SPPL3: variants seen among roughly 807,000 people sequenced by gnomAD.
SPPL3 encodes the protein signal peptide peptidase-like 3.
Under a neutral mutation model 42.4 loss-of-function variants are expected in SPPL3, and 5 were observed. The ratio of observed to expected loss-of-function variants is 0.12; its 90% CI spans 0.06 to 0.25. The LOEUF is 0.25. Ranked by LOEUF, SPPL3 falls within the 10% of genes least tolerant of loss-of-function variation. The probability of loss-of-function intolerance (pLI) is 1.00; values close to 1 mark genes in which losing one functional copy is unlikely to be tolerated. For missense variants in SPPL3, 235 were observed against 489.0 expected (o/e 0.48, Z 4.90); for synonymous variants, 195 against 181.8 (o/e 1.07, Z -0.58).
intron 2 of SPPL3, among the ~76,000 whole-genome samples, chr12:120,798,144 T>C (rs1398620418): frequency 1.3e-5 from 2 of 152,184 alleles, no homozygotes; most frequent in African/African-American, 4.8e-5. Flanking sequence ...GACTTTTAGA[T>C]GTGGTGGACT....
intron 6 of SPPL3, among the ~76,000 whole-genome samples, chr12:120,772,025 CTTT>C (rs976951878): frequency 6.6e-6 from 1 of 152,122 alleles, no homozygotes; most frequent in Non-Finnish European, 1.5e-5. Context: ...TGCTGCTGCT[CTTT>C]TTTTGTTTTT....
At chr12:120,842,644 G>A (rs973111587) in intron 1 of SPPL3, among the ~76,000 whole-genome samples, 1 of 152,072 alleles carries the variant, frequency 6.6e-6, no homozygotes, top group Non-Finnish European at 1.5e-5. Context: ...CAGGTTCTCG[G>A]TGCATCCTCA....
intron 1 of SPPL3, chr12:120,845,251 TTCAC>T: frequency 2.6e-6 from 1 of 382,876 alleles, no homozygotes; most frequent in South Asian, 2.3e-5. Flanking sequence ...CCCTGCTGCA[TTCAC>T]GGCATTGGAG....
chr12:120,901,314 C>G (rs754430441), intron 1 of SPPL3, among the ~76,000 whole-genome samples: 46 of 151,848 alleles, frequency 3.0e-4, no homozygotes, highest in Non-Finnish European at 5.4e-4. Context: ...AAGCTGTGGC[C>G]GGGCACGGTG....
intron 1 of SPPL3, among the ~76,000 whole-genome samples, chr12:120,898,349 G>C (rs1478577589): frequency 7.2e-6 from 1 of 139,128 alleles, no homozygotes; most frequent in African/African-American, 2.7e-5. Context: ...GGGTAGCACA[G>C]AGCAGCCACC....
intron 1 of SPPL3, among the ~76,000 whole-genome samples, chr12:120,824,672 A>G (rs577032876): frequency 6.6e-6 from 1 of 152,290 alleles, no homozygotes; most frequent in Admixed American, 6.5e-5. Context: ...CTGGGGAGAC[A>G]GGCGCATGCC....
chr12:120,891,242 T>A (rs1873630695), intron 1 of SPPL3, among the ~76,000 whole-genome samples: 2 of 152,180 alleles, frequency 1.3e-5, no homozygotes, highest in South Asian at 4.1e-4. Context: ...TACATCATCC[T>A]TAGGCCTGTG....
chr12:120,841,085 G>GGAA (rs1871811072), intron 1 of SPPL3, among the ~76,000 whole-genome samples: 1 of 152,098 alleles, frequency 6.6e-6, no homozygotes, highest in African/African-American at 2.4e-5. Flanking sequence ...CAGCACTTTG[G>GGAA]GAAGCTGAGA....
At chr12:120,776,805 A>G (rs1019446679) in intron 6 of SPPL3, among the ~76,000 whole-genome samples, 6 of 152,196 alleles carry the variant, frequency 3.9e-5, no homozygotes, top group East Asian at 3.9e-4. Context: ...AAGAAAGGAG[A>G]GCCATCAAAA....
chr12:120,891,432 T>A (rs1873637665), intron 1 of SPPL3, among the ~76,000 whole-genome samples: 2 of 152,088 alleles, frequency 1.3e-5, no homozygotes, highest in South Asian at 4.1e-4. Flanking sequence ...TTTTTTTCAA[T>A]TGCCCTTTCT....
intron 1 of SPPL3, among the ~76,000 whole-genome samples, chr12:120,823,319 C>T (rs575326730): frequency 1.3e-5 from 2 of 152,024 alleles, no homozygotes; most frequent in Non-Finnish European, 2.9e-5. Flanking sequence ...CTGTATTTGC[C>T]GTCTTCACTG....
intron 4 of SPPL3, 54 bp downstream of exon 4, chr12:120,784,420 G>T: frequency 6.7e-7 from 1 of 1,490,246 alleles, no homozygotes; most frequent in Middle Eastern, 1.8e-4. Context: ...AATGATAAAG[G>T]TGAAAAATTT....
At chr12:120,781,778 ACCATTTTAG>A (rs1257076986) in intron 6 of SPPL3, among the ~76,000 whole-genome samples, 10 of 150,488 alleles carry the variant, frequency 6.6e-5, no homozygotes, top group South Asian at 6.3e-4. Flanking sequence ...ACGGGGTCTC[ACCATTTTAG>A]CCATTTTAGC....
chr12:120,883,806 A>T lies in SPPL3; in HGVS notation c.23+20039T>A, dbSNP rs1464872018. Among the ~76,000 whole-genome samples the T allele has an allele frequency of 2.0e-5, 3 of 152,214 alleles. No homozygotes were observed. The South Asian group carries it at 6.2e-4, about 31-fold the overall frequency. ...AAAACATGTTGTACAGTAAAACATT[A>T]AAATGTAGACGTAAGCCGGGCGTGG... is the stretch of plus-strand genomic sequence containing the variant. On this transcript the variant is annotated intron_variant, in intron 1 of 10. Coordinates refer to ENST00000353487, the MANE Select transcript of SPPL3 (RefSeq NM_139015.5).
chr12:120,881,801 A>C (rs1195596524), intron 1 of SPPL3, among the ~76,000 whole-genome samples: 1 of 39,162 alleles, frequency 2.6e-5, no homozygotes, highest in Non-Finnish European at 5.7e-5. Flanking sequence ...AGCCAATAAC[A>C]AAAAAAAAAA....
At chr12:120,772,689 C>G (rs1007099338) in intron 6 of SPPL3, among the ~76,000 whole-genome samples, 2 of 152,142 alleles carry the variant, frequency 1.3e-5, no homozygotes, top group African/African-American at 4.8e-5. Flanking sequence ...AGACCCTGGA[C>G]ACATCAACTA....
rs988857660 is a variant in SPPL3, at chr12:120,763,516, C to T, written c.*1483G>A. The T allele has an allele frequency of 2.0e-5, 3 of 152,764 alleles. No individual in the cohort carries two copies. Among genetic ancestry groups the T allele is most frequent in the East Asian group, 1.9e-4 (1 of 5,202 alleles). The allele number at this position is 152,764 out of a possible 1,614,324, so 9.5% of individuals were successfully genotyped here. A position where few individuals can be genotyped will look rare whatever the true frequency, so the allele number is the denominator to read the frequency against. ...TGTTGTCAGGCATCCTCATGCCAAC[C>T]GCAGGCTTCTCTTTGCCTCTGAACA... On this transcript the variant is annotated 3_prime_UTR_variant, in exon 11 of 11. Coordinates refer to ENST00000353487, the MANE Select transcript of SPPL3 (RefSeq NM_139015.5).
intron 1 of SPPL3, among the ~76,000 whole-genome samples, chr12:120,863,106 G>T (rs944954938): frequency 6.6e-6 from 1 of 152,210 alleles, no homozygotes; most frequent in South Asian, 2.1e-4. Context: ...CCAGCACTCT[G>T]GGAGGCTGAG....
At chr12:120,766,104 A>ATG (rs1566035753) in intron 10 of SPPL3, among the ~76,000 whole-genome samples, 159 bp downstream of exon 10, 3 of 32,844 alleles carry the variant, frequency 9.1e-5, no homozygotes, top group South Asian at 1.1e-3. Context: ...GCGCGCGCAC[A>ATG]CACACACACA....
Sources: allele counts gnomAD v4.1 joint callset (sites outside exome capture counted in the v4.1 genomes callset), GRCh38; gene constraint gnomAD v4.1.1; transcripts MANE v1.5; gene names NCBI Gene and HGNC (gene_info 2026-07-23, HGNC 2026-07-21).